PTPN13: variants seen among roughly 807,000 people sequenced by gnomAD.
The protein encoded by PTPN13 is protein tyrosine phosphatase non-receptor type 13.
Under a neutral mutation model 284.0 loss-of-function variants are expected in PTPN13, and 191 were observed. The observed-to-expected ratio is 0.67, with a 90% confidence interval of 0.60 to 0.76. PTPN13 has a LOEUF of 0.76. Ranked by LOEUF, PTPN13 falls within the 30% of genes least tolerant of loss-of-function variation. The pLI is 0.00. For missense variants in PTPN13, 2,797 were observed against 2,939.9 expected (o/e 0.95, Z 1.12); for synonymous variants, 986 against 1,022.3 (o/e 0.96, Z 0.68).
chr4:86,762,868 C>T lies in PTPN13; in HGVS notation c.3695C>T (p.Ser1232Phe). The T allele has an allele frequency of 6.2e-7, 1 of 1,613,886 alleles. No homozygotes were observed. Among genetic ancestry groups the T allele is most frequent in the Admixed American group, 1.7e-5 (1 of 60,010 alleles). Residue 1232 changes from serine to phenylalanine, a missense_variant, in exon 24 of 48, where the codon TCC (serine) becomes TTC (phenylalanine). Transcript: ENST00000411767. ...ACCCTGAGGCACATCTCGGAGAACTCCTTTGGGCCATCTGGGGGCCTGCGG... is the reference window on the plus strand; with the variant it reads ...ACCCTGAGGCACATCTCGGAGAACTTCTTTGGGCCATCTGGGGGCCTGCGG... ...RGTLRHISEN[S>F]FGPSGGLREG...
rs191890303 is a variant in PTPN13, at chr4:86,730,894, C to G, written c.1609-1506C>G. 3.4e-4 allele frequency among the ~76,000 whole-genome samples: 52 copies of G among 152,310 alleles called. 1 individual carries two copies. The highest frequency in any genetic ancestry group is 1.2e-3 in the African/African-American group (50 of 41,570). On this transcript the variant is annotated intron_variant, in intron 10 of 47. Transcript: ENST00000411767. ...TCACCCGTCTTCTGTGTCGATCACA[C>G]TGGGAGCTGCAGACTGGAGCTGTTC... is the stretch of plus-strand genomic sequence containing the variant.
chr4:86,617,018 G>A (rs1720626257), intron 1 of PTPN13, among the ~76,000 whole-genome samples: 1 of 140,494 alleles, frequency 7.1e-6, no homozygotes. Flanking sequence ...GCTTGAGTAG[G>A]AATTTAAAAT....
rs760016961 is a variant in PTPN13 at position 86,701,758 on chromosome 4, A to G, written c.1152A>G (p.Arg384=). 1.9e-6 allele frequency: 3 copies of G among 1,613,412 alleles called. No homozygotes were observed. Among genetic ancestry groups the G allele is most frequent in the Non-Finnish European group, 2.5e-6 (3 of 1,179,706 alleles). Residue 384 remains arginine, a synonymous_variant, in exon 7 of 48, where the codon AGA becomes AGG. Coordinates refer to ENST00000411767, the MANE Select transcript of PTPN13 (RefSeq NM_080683.3). The stretch of plus-strand genomic sequence containing the variant: ...GTGCTTTGGACCGAATCCGAGAGAG[A>G]CAAAAGAAACTTCAGGTTCTGAGGG... ...ISSALDRIRE[R]QKKLQVLREA...
At chr4:86,772,650 A>G (rs1740138093) in intron 31 of PTPN13, 128 bp from the exon 32 acceptor site, 3 of 735,008 alleles carry the variant, frequency 4.1e-6, no homozygotes, top group East Asian at 2.6e-5. Context: ...GAGTCATACA[A>G]AAAGTAACTA....
chr4:86,772,713 G>A, intron 31 of PTPN13, 65 bp from the exon 32 acceptor site: 1 of 1,317,600 alleles, frequency 7.6e-7, no homozygotes, highest in Non-Finnish European at 1.0e-6. Flanking sequence ...TCTGTTTCTG[G>A]CACAAACTAA....
At chr4:86,751,361 C>G (rs1452217046) in intron 19 of PTPN13, among the ~76,000 whole-genome samples, 14 of 152,168 alleles carry the variant, frequency 9.2e-5, no homozygotes, top group Non-Finnish European at 1.5e-5. Flanking sequence ...GGGTCTTACT[C>G]TGTCACCCAG....
chr4:86,728,660 T>TATTTATTTA lies in PTPN13; in HGVS notation c.1609-3740_1609-3739insATTTATTTA, dbSNP rs1423171791. Among the ~76,000 whole-genome samples the TATTTATTTA allele has an allele frequency of 4.1e-3, 446 of 108,048 alleles. 9 individuals carry two copies. The highest frequency in any genetic ancestry group is 0.015 in the African/African-American group (434 of 29,116). 70.9% of individuals were successfully genotyped at this position (108,048 alleles called of 152,430 possible). The stretch of plus-strand genomic sequence containing the variant: ...ACCCCTGCCTTTTTTTTTTTTTTTT[T>TATTTATTTA]TTTTTTTTTTTTTTTTTGCTTTCCA... On this transcript the variant is annotated intron_variant, in intron 10 of 47. Coordinates refer to ENST00000411767, the MANE Select transcript of PTPN13 (RefSeq NM_080683.3).
intron 47 of PTPN13, among the ~76,000 whole-genome samples, chr4:86,813,053 G>A (rs1745418393): frequency 6.6e-6 from 1 of 152,134 alleles, no homozygotes; most frequent in Admixed American, 6.6e-5. Context: ...GGATGAATGT[G>A]TGGAAAAGTT....
chr4:86,793,971 C>T (rs945585292), intron 40 of PTPN13, among the ~76,000 whole-genome samples: 4 of 152,058 alleles, frequency 2.6e-5, no homozygotes, highest in Non-Finnish European at 5.9e-5. Context: ...CATTCAAAAG[C>T]TAGCAGAAGG....
At chr4:86,608,678 A>G (rs192905450) in intron 1 of PTPN13, among the ~76,000 whole-genome samples, 2 of 152,254 alleles carry the variant, frequency 1.3e-5, no homozygotes, top group Admixed American at 1.3e-4. Context: ...GAGAGCCAGC[A>G]TTTTGCATCT....
intron 41 of PTPN13, 40 bp downstream of exon 41, chr4:86,796,969 C>G (rs1578699373): frequency 5.0e-6 from 6 of 1,201,624 alleles, no homozygotes; most frequent in Non-Finnish European, 7.2e-6. Flanking sequence ...ATGCTTCTGT[C>G]TATCTATAAA....
intron 7 of PTPN13, among the ~76,000 whole-genome samples, chr4:86,706,863 C>A (rs1731826874): frequency 6.6e-6 from 1 of 152,054 alleles, no homozygotes; most frequent in South Asian, 2.1e-4. Flanking sequence ...TGATGTTGCC[C>A]TTTTTTGCTT....
At position 86,727,668 on chromosome 4, in the gene PTPN13, A is replaced by T. The variant is rs572206721; in HGVS notation, c.1609-4732A>T. Among the ~76,000 whole-genome samples the T allele has an allele frequency of 1.3e-5, 2 of 148,986 alleles. 1 individual carries two copies. Among genetic ancestry groups the T allele is most frequent in the Non-Finnish European group, 3.0e-5 (2 of 66,452 alleles). On this transcript the variant is annotated intron_variant, in intron 10 of 47. Transcript: ENST00000411767. The stretch of plus-strand genomic sequence containing the variant: ...TGGGATCGATGTTGATATCCCCTTT[A>T]TCGTTTTTTATTGTGTCTATTTGAT...
intron 25 of PTPN13, 151 bp from the exon 26 acceptor site, chr4:86,765,244 C>T (rs1739167496): frequency 5.2e-6 from 3 of 577,090 alleles, no homozygotes; most frequent in African/African-American, 1.9e-5. Context: ...TATAATATCC[C>T]TCATTAGTAT....
At chr4:86,631,134 G>A (rs182315991) in intron 1 of PTPN13, among the ~76,000 whole-genome samples, 8 of 152,248 alleles carry the variant, frequency 5.3e-5, no homozygotes, top group Non-Finnish European at 1.2e-4. Flanking sequence ...ATAGGTTAAT[G>A]TGATAACGTC....
intron 7 of PTPN13, among the ~76,000 whole-genome samples, chr4:86,711,220 A>G (rs553937236): frequency 1.3e-5 from 2 of 151,158 alleles, no homozygotes; most frequent in South Asian, 4.2e-4. Flanking sequence ...TAGGTAGGTA[A>G]GCAGGCTGGT....
intron 7 of PTPN13, among the ~76,000 whole-genome samples, chr4:86,714,938 G>A (rs1312069948): frequency 2.0e-5 from 3 of 152,144 alleles, no homozygotes; most frequent in Non-Finnish European, 4.4e-5. Flanking sequence ...AGTAAGAGGA[G>A]CAATGTCTAA....
chr4:86,612,373 G>C (rs1313484156), intron 1 of PTPN13, among the ~76,000 whole-genome samples: 2 of 152,100 alleles, frequency 1.3e-5, no homozygotes, highest in Non-Finnish European at 1.5e-5. Context: ...GTGTTCAAAA[G>C]TTAAGTAGGA....
chr4:86,709,421 A>G (rs1732129245), intron 7 of PTPN13, among the ~76,000 whole-genome samples: 1 of 152,150 alleles, frequency 6.6e-6, no homozygotes, highest in African/African-American at 2.4e-5. Context: ...TATAATAGGT[A>G]CTCAGTAAGT....
Sources: gnomAD v4.1 joint callset for allele counts (sites outside exome capture counted in the v4.1 genomes callset) on GRCh38, gnomAD v4.1.1 for gene constraint, MANE v1.5 for transcripts, NCBI Gene and HGNC (gene_info 2026-07-23, HGNC 2026-07-21) for gene names.